Variants in RLF observed in about 807,000 individuals in gnomAD.
RLF encodes the protein RLF zinc finger, also known as zinc finger protein Rlf.
Under a neutral mutation model 162.9 loss-of-function variants are expected in RLF, and 7 were observed. That is an observed-to-expected ratio of 0.04 (90% CI 0.02 to 0.08). RLF has a LOEUF of 0.08. Among genes scored for constraint, RLF ranks in the 10% least tolerant of loss-of-function variants. The probability of loss-of-function intolerance (pLI) is 1.00; values close to 1 mark genes in which losing one functional copy is unlikely to be tolerated. For missense variants in RLF, 1,664 were observed against 2,244.7 expected, an observed-to-expected ratio of 0.74 and a Z score of 5.23; for synonymous variants, 782 against 791.5, an observed-to-expected ratio of 0.99 and a Z score of 0.20.
At chr1:40,163,533 A>G (rs1362818959) in intron 1 of RLF, among the ~76,000 whole-genome samples, 1 of 152,212 alleles carries the variant, frequency 6.6e-6, no homozygotes, top group Non-Finnish European at 1.5e-5. Flanking sequence ...TCTTGGTGAC[A>G]CCAGAGATGT....
intron 2 of RLF, among the ~76,000 whole-genome samples, chr1:40,190,184 T>G (rs1642536995): frequency 6.6e-6 from 1 of 152,212 alleles, no homozygotes; most frequent in African/African-American, 2.4e-5. Flanking sequence ...GATTCATTGG[T>G]ATTTTGAGTT....
intron 5 of RLF, among the ~76,000 whole-genome samples, chr1:40,220,933 C>T (rs1642983692): frequency 6.7e-6 from 1 of 149,490 alleles, no homozygotes; most frequent in Admixed American, 6.7e-5. Context: ...TTGAGACCAG[C>T]CTGGGCAGCA....
intron 6 of RLF, among the ~76,000 whole-genome samples, chr1:40,228,705 T>A (rs541585058): frequency 6.8e-6 from 1 of 147,236 alleles, no homozygotes; most frequent in South Asian, 2.1e-4. Flanking sequence ...CGCTGCAGCC[T>A]TGAACTCCTG....
intron 3 of RLF, among the ~76,000 whole-genome samples, chr1:40,193,840 T>C (rs1381733784): frequency 2.0e-5 from 3 of 152,200 alleles, no homozygotes; most frequent in East Asian, 3.8e-4. Context: ...TTATATCTTG[T>C]AGTTTTCACT....
At chr1:40,195,574 G>A in intron 3 of RLF, 58 bp from the exon 4 acceptor site, 1 of 1,491,720 alleles carries the variant, frequency 6.7e-7, no homozygotes, top group Non-Finnish European at 9.1e-7. Context: ...ATGTTGAAAA[G>A]GCAAAACTAA....
At chr1:40,204,213 C>T (rs1478159397) in intron 5 of RLF, among the ~76,000 whole-genome samples, 1 of 152,034 alleles carries the variant, frequency 6.6e-6, no homozygotes, top group Non-Finnish European at 1.5e-5. Flanking sequence ...GATGGGGTTT[C>T]ACCATCTTGG....
At chr1:40,174,263 C>T (rs531653107) in intron 1 of RLF, among the ~76,000 whole-genome samples, 1 of 151,766 alleles carries the variant, frequency 6.6e-6, no homozygotes, top group East Asian at 1.9e-4. Flanking sequence ...CCCAGCTACT[C>T]GGGAGGCTGA....
At position 40,217,825 on chromosome 1, in the gene RLF, G is replaced by A. The variant is rs184609477; in HGVS notation, c.811-4749G>A. ...CAACTCCTACTTAAGTCACAACATAGCATAAGGTAAAAGAAGTAACATATA... is the reference window on the plus strand; with the variant it reads ...CAACTCCTACTTAAGTCACAACATAACATAAGGTAAAAGAAGTAACATATA... On this transcript the variant is annotated intron_variant, in intron 5 of 7. Coordinates refer to ENST00000372771, the MANE Select transcript of RLF (RefSeq NM_012421.4). Among the ~76,000 whole-genome samples, 44 of 152,134 alleles carry A rather than the reference G, an allele frequency of 2.9e-4. No homozygotes were observed. The East Asian group carries it at 6.0e-3, about 21-fold the overall frequency.
At chr1:40,176,794 T>C (rs1179238267) in intron 1 of RLF, among the ~76,000 whole-genome samples, 4 of 152,198 alleles carry the variant, frequency 2.6e-5, no homozygotes, top group African/African-American at 9.7e-5. Context: ...CATCCTTATA[T>C]CTTCTTTGAC....
intron 1 of RLF, among the ~76,000 whole-genome samples, chr1:40,168,947 C>G (rs751224239): frequency 9.2e-5 from 14 of 152,010 alleles, no homozygotes; most frequent in Non-Finnish European, 1.9e-4. Context: ...GGGCAGAAAT[C>G]ATGCCGTTGC....
At position 40,238,452 on chromosome 1, in the gene RLF, A is replaced by T; in HGVS notation, c.3750A>T (p.Glu1250Asp). The T allele has an allele frequency of 6.2e-7, 1 of 1,614,164 alleles. No individual in the cohort carries two copies. Among genetic ancestry groups the T allele is most frequent in the Non-Finnish European group, 8.5e-7 (1 of 1,180,002 alleles). The change falls in exon 8 of 8, where the codon GAA (glutamate) becomes GAT (aspartate). Residue 1250 changes from glutamate (E) to aspartate (D), a missense_variant. By Grantham distance (45) the Glu-to-Asp change is conservative. Around this residue, in one of 15 missense-constraint regions of RLF, gnomAD observed 102 missense variants for 109.5 expected, o/e 0.93. Coordinates refer to ENST00000372771, the MANE Select transcript of RLF (RefSeq NM_012421.4). The surrounding 1 kb of genome is among the most constrained non-coding windows in gnomAD (Gnocchi z 5.2). ...CACACTGTCATCCTAAAAAGGATGA[A>T]TGTAGTTCTGAAACAGATTTGGAAT... ...EKPHCHPKKD[E>D]CSSETDLESS...
chr1:40,199,244 C>T (rs755881044), intron 4 of RLF, among the ~76,000 whole-genome samples: 5 of 152,128 alleles, frequency 3.3e-5, no homozygotes, highest in Non-Finnish European at 5.9e-5. Flanking sequence ...ATTAAACATC[C>T]GTAATATACA....
At chr1:40,235,272 G>A (rs1643202974) in intron 7 of RLF, among the ~76,000 whole-genome samples, 1 of 151,900 alleles carries the variant, frequency 6.6e-6, no homozygotes, top group Non-Finnish European at 1.5e-5. Flanking sequence ...TGTTGGTCAG[G>A]CTGGTCTCAA....
rs542563930 is a variant in RLF at position 40,228,467 on chromosome 1, G to C, written c.948-3050G>C. On this transcript the variant is annotated intron_variant, in intron 6 of 7. Coordinates refer to ENST00000372771, the MANE Select transcript of RLF (RefSeq NM_012421.4). ...GTGGTGGTGGGTGCCTGTAATCCCA[G>C]CTACTCGAGGGAGGCTGAGGCAGGA... Among the ~76,000 whole-genome samples, 3 of 149,772 alleles carry C rather than the reference G, an allele frequency of 2.0e-5. No homozygotes were observed. The South Asian group carries it at 6.4e-4, about 32-fold the overall frequency.
At chr1:40,214,686 G>A (rs942330770) in intron 5 of RLF, among the ~76,000 whole-genome samples, 3 of 151,936 alleles carry the variant, frequency 2.0e-5, no homozygotes, top group African/African-American at 4.8e-5. Context: ...TTGGGAGGCC[G>A]AGGTGGGAGG....
chr1:40,238,359 A>G lies in RLF; in HGVS notation c.3657A>G (p.Ser1219=), dbSNP rs1162390523. 1 of 1,614,204 alleles carries G rather than the reference A, an allele frequency of 6.2e-7. No homozygotes were observed. Among genetic ancestry groups the G allele is most frequent in the South Asian group, 1.1e-5 (1 of 91,084 alleles). The change falls in exon 8 of 8, where the codon TCA becomes TCG. Residue 1219 remains serine, a synonymous_variant. Transcript: ENST00000372771. This position sits in a 1 kb window ranked among gnomAD's most constrained non-coding sequence, Gnocchi z 5.2. ...AGTGTGATCATGAAGGCCCATGTTC[A>G]GTAGATAGGTTGAAAGGTGATTGTT... ...NEKCDHEGPC[S]VDRLKGDCSA...
chr1:40,236,740 C>T lies in RLF; in HGVS notation c.2038C>T (p.Arg680Cys), dbSNP rs1161468307. The change falls in exon 8 of 8, where the codon CGT becomes TGT. Residue 680 changes from arginine to cysteine, a missense_variant. Physicochemically the swap from Arg to Cys is radical, Grantham distance 180. Around this residue, in one of 15 missense-constraint regions of RLF, gnomAD observed 69 missense variants for 206.4 expected, o/e 0.33. Transcript: ENST00000372771. This position sits in a 1 kb window ranked among gnomAD's most constrained non-coding sequence, Gnocchi z 7.7. ...LYPCPGTDCS[R>C]VFKQFKYLSV... is the part of the protein sequence containing the mutation. Reference sequence around the variant, plus strand: ...TCCATGTCCCGGTACAGACTGTTCCCGTGTGTTTAAGCAATTTAAATACTT... The same window carrying T: ...TCCATGTCCCGGTACAGACTGTTCCTGTGTGTTTAAGCAATTTAAATACTT... 3 of 1,613,900 alleles carry T rather than the reference C, an allele frequency of 1.9e-6. No individual in the cohort carries two copies. The highest frequency in any genetic ancestry group is 1.1e-5 in the South Asian group (1 of 91,064).
At chr1:40,162,439 T>C (rs1361152288) in intron 1 of RLF, among the ~76,000 whole-genome samples, 1 of 152,208 alleles carries the variant, frequency 6.6e-6, no homozygotes, top group East Asian at 1.9e-4. Context: ...TCAAGTCTTT[T>C]ACAAATACAA....
intron 1 of RLF, among the ~76,000 whole-genome samples, chr1:40,184,046 T>G (rs1417968063): frequency 6.6e-6 from 1 of 152,206 alleles, no homozygotes; most frequent in Non-Finnish European, 1.5e-5. Flanking sequence ...GCCAAGCTCC[T>G]TGAAACCATG....
Sources: allele counts gnomAD v4.1 joint callset (sites outside exome capture counted in the v4.1 genomes callset), GRCh38; gene constraint gnomAD v4.1.1; regional missense constraint gnomAD v4.1.1; non-coding constraint Gnocchi (gnomAD v3.1); transcripts MANE v1.5; gene names NCBI Gene and HGNC (gene_info 2026-07-23, HGNC 2026-07-21).